The following KDM4C variants were observed in gnomAD, a reference collection of about 807,000 sequenced individuals.
The protein encoded by KDM4C is lysine demethylase 4C, also known as lysine-specific demethylase 4C.
KDM4C carries 81 observed loss-of-function variants against 129.3 expected under a neutral mutation model. The ratio of observed to expected loss-of-function variants is 0.63; its 90% CI spans 0.52 to 0.75. The LOEUF (loss-of-function observed/expected upper bound fraction) is 0.75, where lower values mean the gene tolerates loss of function less well. Among genes scored for constraint, KDM4C ranks in the 30% least tolerant of loss-of-function variants. KDM4C has a pLI of 0.00. For missense variants in KDM4C, 1,457 were observed against 1,304.0 expected (o/e 1.12, Z -1.81); for synonymous variants, 573 against 456.1 (o/e 1.26, Z -3.26).
rs1839914602 is a variant in KDM4C at position 7,125,233 on chromosome 9, G to A, written c.2611-2833G>A. ...ACAGAATGGCTGTTTCCTGCTTCTG[G>A]GCCTTTGGTCATGCCTGTCACTCTG... On this transcript the variant is annotated intron_variant, in intron 18 of 21. Transcript: ENST00000381309. 1.3e-5 allele frequency among the ~76,000 whole-genome samples: 2 copies of A among 152,052 alleles called. 1 individual carries two copies. The highest frequency in any genetic ancestry group is 4.1e-4 in the South Asian group (2 of 4,820).
intron 1 of KDM4C, among the ~76,000 whole-genome samples, chr9:6,790,611 C>A (rs1471632485): frequency 6.9e-6 from 1 of 145,048 alleles, no homozygotes; most frequent in African/African-American, 2.6e-5. Flanking sequence ...TTATCTGCCC[C>A]ATCCCTCATT....
At chr9:7,122,913 C>G (rs1839659205) in intron 18 of KDM4C, among the ~76,000 whole-genome samples, 1 of 152,168 alleles carries the variant, frequency 6.6e-6, no homozygotes, top group Admixed American at 6.5e-5. Context: ...TGATGCCTGT[C>G]TTCTCTGATC....
At chr9:6,992,812 G>A (rs1407700117) in intron 12 of KDM4C, among the ~76,000 whole-genome samples, 2 of 152,150 alleles carry the variant, frequency 1.3e-5, no homozygotes, top group East Asian at 3.8e-4. Context: ...CTATATTAGA[G>A]CATAGGAGAA....
chr9:6,736,070 G>C (rs898354789), intron 1 of KDM4C, among the ~76,000 whole-genome samples: 3 of 152,144 alleles, frequency 2.0e-5, no homozygotes, highest in East Asian at 1.9e-4. Context: ...CCCTGCCCTA[G>C]AGATTTGTGG....
At chr9:6,981,695 T>C (rs1816790671) in intron 9 of KDM4C, 2 of 171,932 alleles carry the variant, frequency 1.2e-5, no homozygotes, top group African/African-American at 4.8e-5. Flanking sequence ...CTTTTAGATG[T>C]GCTGTGGGCA....
intron 5 of KDM4C, among the ~76,000 whole-genome samples, chr9:6,861,053 C>T (rs1165155344): frequency 6.6e-6 from 1 of 152,186 alleles, no homozygotes; most frequent in African/African-American, 2.4e-5. Context: ...TTACCCAAGG[C>T]ACAGGCAGTA....
chr9:6,979,599 G>A (rs142611285), intron 8 of KDM4C, among the ~76,000 whole-genome samples: 2 of 152,280 alleles, frequency 1.3e-5, no homozygotes, highest in African/African-American at 2.4e-5. Context: ...GAAAAGCAGG[G>A]TGATTACACC....
At chr9:7,073,802 C>G (rs1833540321) in intron 17 of KDM4C, among the ~76,000 whole-genome samples, 1 of 152,206 alleles carries the variant, frequency 6.6e-6, no homozygotes, top group African/African-American at 2.4e-5. Context: ...TTCACTCTTG[C>G]CTGGTGTCAG....
At chr9:6,971,332 T>A (rs1431937367) in intron 8 of KDM4C, among the ~76,000 whole-genome samples, 1 of 152,236 alleles carries the variant, frequency 6.6e-6, no homozygotes, top group Non-Finnish European at 1.5e-5. Context: ...TTGGATTTAT[T>A]CCAGTTTGGA....
At chr9:7,149,799 T>A (rs990168334) in intron 19 of KDM4C, among the ~76,000 whole-genome samples, 4 of 152,164 alleles carry the variant, frequency 2.6e-5, no homozygotes, top group African/African-American at 9.7e-5. Flanking sequence ...AAGCACAAGA[T>A]TTCTAGAAAC....
At chr9:7,014,239 G>T in intron 14 of KDM4C, 2 of 430,126 alleles carry the variant, frequency 4.6e-6, no homozygotes, top group Non-Finnish European at 8.3e-6. Flanking sequence ...TGGTTTGTTT[G>T]TTTGGGGTCC....
chr9:6,868,462 T>C (rs1179939925), intron 5 of KDM4C, among the ~76,000 whole-genome samples: 2 of 152,104 alleles, frequency 1.3e-5, no homozygotes, highest in African/African-American at 2.4e-5. Context: ...CCATGAACTG[T>C]TGGTTCCAGG....
intron 8 of KDM4C, among the ~76,000 whole-genome samples, chr9:6,926,336 A>G (rs1822527302): frequency 8.4e-6 from 1 of 119,358 alleles, no homozygotes; most frequent in Admixed American, 9.5e-5. Context: ...TAGAGAGATA[A>G]TTTGTAAAAA....
intron 8 of KDM4C, among the ~76,000 whole-genome samples, chr9:6,939,850 T>C (rs1825524865): frequency 6.6e-6 from 1 of 152,352 alleles, no homozygotes; most frequent in African/African-American, 2.4e-5. Context: ...GAATTACTCT[T>C]GGCAGAGGAA....
intron 17 of KDM4C, chr9:7,076,414 A>G: frequency 6.6e-7 from 1 of 1,525,760 alleles, no homozygotes; most frequent in Non-Finnish European, 8.9e-7. Context: ...GACTTTTAAA[A>G]TTTGCATTGT....
chr9:7,013,894 T>G lies in KDM4C; in HGVS notation c.2075T>G (p.Ile692Ser). ...CCCCTCATACCAGAGATGTGTTTTATTTATAGTGAAGAAAATATAGAATAT... is the reference window on the plus strand; with the variant it reads ...CCCCTCATACCAGAGATGTGTTTTAGTTATAGTGAAGAAAATATAGAATAT... ...TKPLIPEMCF[I>S]YSEENIEYSP... The change falls in exon 14 of 22, where the codon ATT becomes AGT. Residue 692 changes from isoleucine (I) to serine (S), a missense_variant. Transcript: ENST00000381309. 1 of 1,613,994 alleles carries G rather than the reference T, an allele frequency of 6.2e-7. No homozygotes were observed. Among genetic ancestry groups the G allele is most frequent in the South Asian group, 1.1e-5 (1 of 91,076 alleles).
At chr9:6,736,679 C>T (rs1279505008) in intron 1 of KDM4C, among the ~76,000 whole-genome samples, 2 of 152,118 alleles carry the variant, frequency 1.3e-5, no homozygotes, top group Non-Finnish European at 2.9e-5. Flanking sequence ...ACCTAAAAAA[C>T]CCCAAAGGCT....
intron 1 of KDM4C, among the ~76,000 whole-genome samples, chr9:6,760,423 C>T (rs1471856256): frequency 3.5e-5 from 5 of 144,692 alleles, no homozygotes; most frequent in East Asian, 2.0e-4. Flanking sequence ...TTTGTGTGGA[C>T]GCGTGTTTTC....
rs1201726297 is a variant in KDM4C at position 6,858,847 on chromosome 9, T to C, written c.629+9147T>C. Among the ~76,000 whole-genome samples, 5 of 151,378 alleles carry C rather than the reference T, an allele frequency of 3.3e-5. No homozygotes were observed. In the East Asian group the frequency reaches 9.6e-4, roughly 29 times the overall value. ...ACCCAGCTTTATCATTTTTTTGGTA[T>C]CTCTTTTTTTTTTTGTTTTCACACA... On this transcript the variant is annotated intron_variant, in intron 5 of 21. Transcript: ENST00000381309.
Sources: allele counts gnomAD v4.1 joint callset (sites outside exome capture counted in the v4.1 genomes callset), GRCh38; gene constraint gnomAD v4.1.1; transcripts MANE v1.5; gene names NCBI Gene and HGNC (gene_info 2026-07-23, HGNC 2026-07-21).